The following TPO variants were observed in gnomAD, a reference collection of about 807,000 sequenced individuals.
TPO encodes the protein thyroid microsomal antigen.
A neutral mutation model predicts 96.9 loss-of-function variants in TPO; 78 were observed. The observed-to-expected ratio is 0.81, with a 90% CI of 0.67 to 0.97. TPO has a LOEUF of 0.97. Ranked by LOEUF, TPO falls within the 50% of genes least tolerant of loss-of-function variation. The pLI, the probability that TPO is intolerant of heterozygous loss-of-function variation, is 0.00. For synonymous variants in TPO, 547 were observed against 538.0 expected, an observed-to-expected ratio of 1.02 and a Z score of -0.23; for missense variants, 1,252 against 1,274.8, an observed-to-expected ratio of 0.98 and a Z score of 0.27.
At position 1,477,332 on chromosome 2, in the gene TPO, C is replaced by T. The variant is rs1180080068; in HGVS notation, c.1066C>T (p.Leu356Phe). Reference sequence around the variant, plus strand: ...AGGGCTGCTCCGCGTCCACGCGCGCCTCCGGGACTCCGGCCGCGCCTACCT... The same window carrying T: ...AGGGCTGCTCCGCGTCCACGCGCGCTTCCGGGACTCCGGCCGCGCCTACCT... ...AEGLLRVHARLRDSGRAYLPF... is the reference protein window; with the variant it reads ...AEGLLRVHARFRDSGRAYLPF... The change falls in exon 8 of 17, where the codon CTC becomes TTC. Residue 356 changes from leucine (L) to phenylalanine (F), a missense_variant. By Grantham distance (22) the Leu-to-Phe change is conservative (BLOSUM62 0). Transcript: ENST00000329066. 4.5e-6 allele frequency: 7 copies of T among 1,558,956 alleles called. No homozygotes were observed. In the Admixed American group the frequency reaches 1.2e-4, roughly 26 times the overall value.
intron 15 of TPO, among the ~76,000 whole-genome samples, chr2:1,527,457 ACT>A (rs1284783141): frequency 6.8e-5 from 8 of 117,596 alleles, no homozygotes; most frequent in African/African-American, 2.1e-4. Context: ...CAAATACCCC[ACT>A]GTGTGCAACC....
In TPO at chr2:1,433,478, C is replaced by G. The variant is rs1459801387; in HGVS notation, c.220C>G (p.Leu74Val). The G allele has an allele frequency of 1.2e-6, 2 of 1,614,090 alleles. No individual in the cohort carries two copies. Among genetic ancestry groups the G allele is most frequent in the Admixed American group, 3.3e-5 (2 of 60,012 alleles). The change falls in exon 4 of 17, where the codon CTG becomes GTG. Residue 74 changes from leucine (L) to valine (V), a missense_variant. Physicochemically the swap from Leu to Val is conservative, Grantham distance 32. Transcript: ENST00000329066. Reference protein sequence around the residue: ...KRGILSPAQLLSFSKLPEPTS... With the variant: ...KRGILSPAQLVSFSKLPEPTS... ...AGGAATCCTTTCTCCAGCTCAGCTT[C>G]TGTCTTTTTCCAAACTTCCTGAGCC...
chr2:1,405,696 G>A (rs551164362), intron 1 of TPO, among the ~76,000 whole-genome samples: 2 of 152,280 alleles, frequency 1.3e-5, no homozygotes, highest in South Asian at 4.2e-4. Flanking sequence ...CCACTCCACA[G>A]AAATTAATTG....
chr2:1,437,776 C>T (rs941392768), intron 5 of TPO, among the ~76,000 whole-genome samples: 2 of 152,146 alleles, frequency 1.3e-5, no homozygotes, highest in South Asian at 2.1e-4. Flanking sequence ...CTGTGCTGAA[C>T]ACAGAGATGG....
chr2:1,530,966 TC>T (rs55945337), intron 15 of TPO, among the ~76,000 whole-genome samples: 9,471 of 68,560 alleles, frequency 0.14, 841 homozygotes, highest in Admixed American at 0.15. Context: ...CCTCCTCAAA[TC>T]CCCCCAGTAT....
chr2:1,421,441 T>C (rs1159105324), intron 2 of TPO, among the ~76,000 whole-genome samples: 1 of 151,586 alleles, frequency 6.6e-6, no homozygotes, highest in Non-Finnish European at 1.5e-5. Context: ...GCCGCGTCAC[T>C]CGGAGATTGA....
chr2:1,537,143 AC>A (rs1679918302), intron 15 of TPO, among the ~76,000 whole-genome samples: 2 of 64,278 alleles, frequency 3.1e-5, no homozygotes, highest in East Asian at 5.2e-4. Flanking sequence ...CTCCGCAAAT[AC>A]CCCCACTCTG....
upstream of TPO, among the ~76,000 whole-genome samples, chr2:1,409,811 T>C (rs200125951): frequency 7.2e-6 from 1 of 139,758 alleles, no homozygotes; most frequent in African/African-American, 2.7e-5. Flanking sequence ...CACACACACA[T>C]GCACGTGCAC....
intron 1 of TPO, among the ~76,000 whole-genome samples, chr2:1,408,133 G>T (rs564920957): frequency 6.6e-6 from 1 of 152,340 alleles, no homozygotes; most frequent in Admixed American, 6.5e-5. Context: ...ATCATGGATG[G>T]CCACTCGAGC....
chr2:1,423,260 C>A, intron 3 of TPO, 131 bp downstream of exon 3: 1 of 799,174 alleles, frequency 1.3e-6, no homozygotes, highest in Non-Finnish European at 2.1e-6. Flanking sequence ...TAATTTACTT[C>A]CCCAGTGTCA....
At chr2:1,534,019 C>T (rs1293360818) in intron 15 of TPO, among the ~76,000 whole-genome samples, 3 of 101,742 alleles carry the variant, frequency 2.9e-5, no homozygotes, top group Admixed American at 2.3e-4. Context: ...CCCAAATCCC[C>T]CCCAATCTGT....
intron 1 of TPO, among the ~76,000 whole-genome samples, chr2:1,386,110 G>T (rs542312810): frequency 2.8e-4 from 42 of 152,272 alleles, no homozygotes; most frequent in Middle Eastern, 3.4e-3. Context: ...TTTTACATTT[G>T]CTGAGGAGTG....
chr2:1,542,384 T>C (rs911860058), intron 16 of TPO, 37 bp from the exon 17 acceptor site: 4 of 1,613,418 alleles, frequency 2.5e-6, no homozygotes, highest in Non-Finnish European at 3.4e-6. Context: ...GCAGTCAGAA[T>C]TCAGACGTTA....
At chr2:1,383,999 G>C (rs1002284056) in intron 1 of TPO, among the ~76,000 whole-genome samples, 4 of 152,090 alleles carry the variant, frequency 2.6e-5, no homozygotes, top group African/African-American at 9.7e-5. Flanking sequence ...TCTTGTTTTT[G>C]TCAGGTTTGT....
intron 6 of TPO, 118 bp from the exon 7 acceptor site, chr2:1,455,958 G>C: frequency 2.0e-6 from 2 of 1,019,466 alleles, no homozygotes; most frequent in Non-Finnish European, 3.0e-6. Context: ...AGATCTCCTA[G>C]GGGCACCTGG....
At position 1,477,404 on chromosome 2, in the gene TPO, G is replaced by C. The variant is rs766587495; in HGVS notation, c.1138G>C (p.Gly380Arg). ...GCCTGCGGCCTGTGCGCCCGAGCCC[G>C]GCATCCCCGGAGAGACCCGCGGGCC... is the stretch of plus-strand genomic sequence containing the variant. ...RAPAACAPEP[G>R]IPGETRGPCF... The change falls in exon 8 of 17, where the codon GGC becomes CGC. Residue 380 changes from glycine to arginine, a missense_variant. Coordinates refer to ENST00000329066, the MANE Select transcript of TPO (RefSeq NM_001206744.2). The C allele has an allele frequency of 6.6e-7, 1 of 1,524,752 alleles. No homozygotes were observed. Among genetic ancestry groups the C allele is most frequent in the Admixed American group, 2.0e-5 (1 of 49,472 alleles). 94.5% of individuals were successfully genotyped at this position (1,524,752 alleles called of 1,614,324 possible).
chr2:1,420,131 G>T (rs1304809664), intron 2 of TPO, among the ~76,000 whole-genome samples: 1 of 152,156 alleles, frequency 6.6e-6, no homozygotes. Context: ...AAGCCTATAA[G>T]AATGTTTTAA....
chr2:1,518,752 G>A (rs1473561427), intron 15 of TPO, among the ~76,000 whole-genome samples: 1 of 152,216 alleles, frequency 6.6e-6, no homozygotes, highest in Non-Finnish European at 1.5e-5. Context: ...CAGATGTAAT[G>A]CTAAGTCATC....
chr2:1,430,076 C>G lies in TPO; in HGVS notation c.180-3362C>G, dbSNP rs76158851. Among the ~76,000 whole-genome samples, 908 of 152,246 alleles carry G rather than the reference C, an allele frequency of 6.0e-3. 5 individuals carry two copies. Among genetic ancestry groups the G allele is most frequent in the Non-Finnish European group, 9.1e-3 (619 of 68,028 alleles). ...CTATCCAAGACAACAGGAAAAGGGCCTCGAAGAAAGCATGGTATAAGTCCT... is the reference window on the plus strand; with the variant it reads ...CTATCCAAGACAACAGGAAAAGGGCGTCGAAGAAAGCATGGTATAAGTCCT... On this transcript the variant is annotated intron_variant, in intron 3 of 16. Coordinates refer to ENST00000329066, the MANE Select transcript of TPO (RefSeq NM_001206744.2).
Sources: allele counts gnomAD v4.1 joint callset (sites outside exome capture counted in the v4.1 genomes callset), GRCh38; gene constraint gnomAD v4.1.1; transcripts MANE v1.5; gene names NCBI Gene and HGNC (gene_info 2026-07-23, HGNC 2026-07-21).